ERC1: variants seen among roughly 807,000 people sequenced by gnomAD.
The protein encoded by ERC1 is ELKS/RAB6-interacting/CAST family member 1.
ERC1 carries 56 observed loss-of-function variants against 132.0 expected under a neutral mutation model. That is an observed-to-expected ratio of 0.42 (90% CI 0.34 to 0.53). The LOEUF is 0.53. Ranked by LOEUF, ERC1 falls within the 20% of genes least tolerant of loss-of-function variation. The probability of loss-of-function intolerance (pLI) is 0.03; values close to 1 mark genes in which losing one functional copy is unlikely to be tolerated. For missense variants in ERC1, 1,202 were observed against 1,349.9 expected (o/e 0.89, Z 1.72); for synonymous variants, 478 against 476.1 (o/e 1.00, Z -0.05).
intron 12 of ERC1, among the ~76,000 whole-genome samples, chr12:1,210,335 G>A (rs1170306641): frequency 6.6e-6 from 1 of 152,196 alleles, no homozygotes; most frequent in Non-Finnish European, 1.5e-5. Context: ...TGGTTTAATT[G>A]TGTGTACGTC....
intron 18 of ERC1, among the ~76,000 whole-genome samples, chr12:1,487,749 G>A (rs1233355660): frequency 2.6e-5 from 3 of 113,570 alleles, no homozygotes; most frequent in Non-Finnish European, 4.0e-5. Flanking sequence ...GAGGAGAAGG[G>A]TAGGAGGCAA....
At chr12:1,301,187 G>A (rs553956420) in intron 15 of ERC1, among the ~76,000 whole-genome samples, 2 of 151,850 alleles carry the variant, frequency 1.3e-5, no homozygotes, top group South Asian at 2.1e-4. Flanking sequence ...TAGAGACTCC[G>A]AGGGGGTGGG....
At chr12:1,030,468 C>G (rs997430100) in intron 2 of ERC1, among the ~76,000 whole-genome samples, 2 of 152,108 alleles carry the variant, frequency 1.3e-5, no homozygotes, top group Non-Finnish European at 2.9e-5. Context: ...CGCACCTGTA[C>G]TCCCAGCACT....
chr12:1,102,133 T>A (rs1403837306), intron 3 of ERC1, among the ~76,000 whole-genome samples: 2 of 148,480 alleles, frequency 1.3e-5, no homozygotes, highest in East Asian at 2.0e-4. Flanking sequence ...TTAACTTAAA[T>A]TTTTTTTTTT....
rs759600287 is a variant in ERC1 at position 1,308,322 on chromosome 12, TAAAG to T, written c.2780+18314_2780+18317del. 3.4e-5 allele frequency among the ~76,000 whole-genome samples: 5 copies of T among 149,036 alleles called. No homozygotes were observed. In the East Asian group the frequency reaches 5.8e-4, roughly 17 times the overall value. ...ATTAGCAGCAAATAAAGACCTGAGA[TAAAG>T]AAAAAAAAAATGCTTTTATTCAGTT... On this transcript the variant is annotated intron_variant, in intron 15 of 18. Coordinates refer to ENST00000360905, the MANE Select transcript of ERC1 (RefSeq NM_178040.4).
At chr12:1,480,669 C>A (rs1565522000) in intron 18 of ERC1, among the ~76,000 whole-genome samples, 1 of 151,476 alleles carries the variant, frequency 6.6e-6, no homozygotes, top group Non-Finnish European at 1.5e-5. Flanking sequence ...TTCGGAAATT[C>A]TTTTCTGGTT....
At chr12:1,489,054 C>A (rs570929410) in intron 18 of ERC1, among the ~76,000 whole-genome samples, 1 of 152,312 alleles carries the variant, frequency 6.6e-6, no homozygotes, top group African/African-American at 2.4e-5. Context: ...CTAGGCAGAT[C>A]ACGCTGGAAC....
chr12:1,453,143 C>T (rs2093461031), intron 18 of ERC1, among the ~76,000 whole-genome samples: 1 of 152,150 alleles, frequency 6.6e-6, no homozygotes, highest in Admixed American at 6.5e-5. Flanking sequence ...TTTTCCTGCT[C>T]CAGTCTTGGT....
At chr12:1,195,818 T>A (rs899570031) in intron 12 of ERC1, among the ~76,000 whole-genome samples, 1 of 151,724 alleles carries the variant, frequency 6.6e-6, no homozygotes, top group Non-Finnish European at 1.5e-5. Context: ...TGAATGAGGA[T>A]TCTCCGTTAC....
intron 8 of ERC1, among the ~76,000 whole-genome samples, chr12:1,148,846 C>G (rs896032624): frequency 1.3e-5 from 2 of 152,196 alleles, no homozygotes; most frequent in African/African-American, 4.8e-5. Flanking sequence ...AGATGATCCT[C>G]CCGCCTCGGC....
chr12:1,481,038 G>A, intron 18 of ERC1: 1 of 579,974 alleles, frequency 1.7e-6, no homozygotes, highest in East Asian at 2.8e-5. Context: ...CTGAGATAAA[G>A]TCTAGTTTAT....
At chr12:1,190,263 C>G in intron 12 of ERC1, 1 of 700,908 alleles carries the variant, frequency 1.4e-6, no homozygotes, top group Non-Finnish European at 2.6e-6. Flanking sequence ...AATTGGGAAG[C>G]TATGGGCTGT....
At chr12:1,452,274 C>T (rs989104670) in intron 18 of ERC1, among the ~76,000 whole-genome samples, 2 of 151,700 alleles carry the variant, frequency 1.3e-5, no homozygotes, top group Admixed American at 6.6e-5. Context: ...TTGAGGTCTG[C>T]TATATTCATG....
At chr12:1,421,813 C>G (rs981248073) in intron 17 of ERC1, among the ~76,000 whole-genome samples, 1 of 150,548 alleles carries the variant, frequency 6.6e-6, no homozygotes, top group Non-Finnish European at 1.5e-5. Context: ...GTCAGGAGAT[C>G]GAGACCATCC....
chr12:1,468,992 T>A (rs2093803521), intron 18 of ERC1, among the ~76,000 whole-genome samples: 1 of 152,216 alleles, frequency 6.6e-6, no homozygotes, highest in Non-Finnish European at 1.5e-5. Flanking sequence ...TTAACTCCTC[T>A]GCAGGATGCC....
At chr12:1,132,744 A>G (rs6489260) in intron 7 of ERC1, among the ~76,000 whole-genome samples, 130,137 of 152,174 alleles carry the variant, frequency 0.86, 56,184 homozygotes, top group East Asian at 0.92. Flanking sequence ...GCTTAGAAGA[A>G]CTGAGAGACA....
rs143205736 is a variant in ERC1 at position 1,146,274 on chromosome 12, A to T, written c.1737+4487A>T. On this transcript the variant is annotated intron_variant, in intron 8 of 18. Coordinates refer to ENST00000360905, the MANE Select transcript of ERC1 (RefSeq NM_178040.4). ...AGCAGTTTTGTAGTTTTCCTTGTAG[A>T]GGTCTTTCATTTCCTTGTTTAGGTA... is the stretch of plus-strand genomic sequence containing the variant. Among the ~76,000 whole-genome samples the T allele has an allele frequency of 9.7e-4, 88 of 90,824 alleles. 1 individual carries two copies. The highest frequency in any genetic ancestry group is 3.6e-3 in the African/African-American group (79 of 22,150). The allele number at this position is 90,824 out of a possible 152,430, so 59.6% of individuals were successfully genotyped here. A position where few individuals can be genotyped will look rare whatever the true frequency, so the allele number is the denominator to read the frequency against.
At chr12:1,057,889 C>A (rs560867794) in intron 2 of ERC1, among the ~76,000 whole-genome samples, 2 of 152,008 alleles carry the variant, frequency 1.3e-5, no homozygotes, top group East Asian at 1.9e-4. Flanking sequence ...CCACCGCACC[C>A]GGCCTAAAAT....
chr12:1,264,626 T>G (rs2154326870), intron 14 of ERC1, among the ~76,000 whole-genome samples: 1 of 151,970 alleles, frequency 6.6e-6, no homozygotes, highest in South Asian at 2.1e-4. Flanking sequence ...ATCGCACCAC[T>G]GCACTCCAGC....
Sources: allele counts gnomAD v4.1 joint callset (sites outside exome capture counted in the v4.1 genomes callset), GRCh38; gene constraint gnomAD v4.1.1; transcripts MANE v1.5; gene names NCBI Gene and HGNC (gene_info 2026-07-23, HGNC 2026-07-21).